The following DENND1A variants were observed in gnomAD, a reference collection of about 807,000 sequenced individuals.
DENND1A encodes the protein DENN domain containing 1A, also known as DENN domain-containing protein 1A.
A neutral mutation model predicts 113.7 loss-of-function variants in DENND1A; 51 were observed. The observed-to-expected ratio is 0.45, with a 90% confidence interval of 0.36 to 0.57. The LOEUF (loss-of-function observed/expected upper bound fraction) is 0.57, where lower values mean the gene tolerates loss of function less well. Ranked by LOEUF, DENND1A falls within the 20% of genes least tolerant of loss-of-function variation. The pLI is 0.00. For missense variants in DENND1A, 1,258 were observed against 1,395.9 expected, an observed-to-expected ratio of 0.90 and a Z score of 1.57; for synonymous variants, 565 against 570.8, an observed-to-expected ratio of 0.99 and a Z score of 0.14.
intron 19 of DENND1A, among the ~76,000 whole-genome samples, chr9:123,420,651 G>C (rs771276014): frequency 6.6e-6 from 1 of 152,170 alleles, no homozygotes; most frequent in Admixed American, 6.5e-5. Context: ...ATTCTTCCCC[G>C]ATGTTGACAG....
At chr9:123,473,553 G>A (rs1328736144) in intron 13 of DENND1A, among the ~76,000 whole-genome samples, 2 of 152,154 alleles carry the variant, frequency 1.3e-5, no homozygotes, top group Non-Finnish European at 2.9e-5. Context: ...TGCCAACTCC[G>A]CTCCTCTCCA....
intron 16 of DENND1A, among the ~76,000 whole-genome samples, chr9:123,454,444 G>A (rs1158687136): frequency 6.6e-6 from 1 of 152,194 alleles, no homozygotes; most frequent in African/African-American, 2.4e-5. Context: ...GGCCCTAGAA[G>A]GAGAACCCCC....
intron 5 of DENND1A, among the ~76,000 whole-genome samples, chr9:123,690,334 A>G (rs2065113236): frequency 6.6e-6 from 1 of 152,188 alleles, no homozygotes; most frequent in Non-Finnish European, 1.5e-5. Flanking sequence ...TTATGTATTG[A>G]GCATGCAGTG....
intron 13 of DENND1A, among the ~76,000 whole-genome samples, chr9:123,465,189 G>T (rs1189465430): frequency 7.7e-6 from 1 of 129,524 alleles, no homozygotes; most frequent in Non-Finnish European, 1.7e-5. Flanking sequence ...TCAAAAAAAA[G>T]AAAAAAAAAA....
intron 2 of DENND1A, among the ~76,000 whole-genome samples, chr9:123,878,144 G>A (rs879807257): frequency 1.0e-4 from 15 of 150,290 alleles, no homozygotes; most frequent in Non-Finnish European, 1.6e-4. Context: ...CAGAGGTTGC[G>A]GTGAGCCAAG....
At chr9:123,700,025 C>T (rs2065791539) in intron 5 of DENND1A, among the ~76,000 whole-genome samples, 1 of 152,118 alleles carries the variant, frequency 6.6e-6, no homozygotes, top group African/African-American at 2.4e-5. Flanking sequence ...ACAGACTACC[C>T]TTTGAATTAC....
chr9:123,658,298 T>TA (rs922992419), intron 8 of DENND1A, among the ~76,000 whole-genome samples: 9 of 151,478 alleles, frequency 5.9e-5, no homozygotes, highest in Admixed American at 3.3e-4. Context: ...ACCTGGACAC[T>TA]AAAAAAAAAT....
At chr9:123,927,765 A>T (rs1857352400) in intron 1 of DENND1A, among the ~76,000 whole-genome samples, 1 of 152,214 alleles carries the variant, frequency 6.6e-6, no homozygotes, top group Admixed American at 6.5e-5. Flanking sequence ...TGTCCTATTC[A>T]ATGGAACCTG....
chr9:123,553,405 C>CA (rs899595295), intron 13 of DENND1A, among the ~76,000 whole-genome samples: 1 of 151,488 alleles, frequency 6.6e-6, no homozygotes, highest in Non-Finnish European at 1.5e-5. Context: ...AAGCCGCCCC[C>CA]CCCCCGCTCC....
chr9:123,457,660 C>G, intron 14 of DENND1A, 133 bp downstream of exon 14: 1 of 872,124 alleles, frequency 1.1e-6, no homozygotes, highest in Non-Finnish European at 1.7e-6. Context: ...TTCATCCAAT[C>G]CCCCTCCCCT....
chr9:123,646,081 C>A lies in DENND1A; in HGVS notation c.618+5932G>T, dbSNP rs182634804. Reference sequence around the variant, plus strand: ...GACGTTTACATTCCAGTAGGGTAGGCCCTTAATAAACTGGACAATAAAATT... The same window carrying A: ...GACGTTTACATTCCAGTAGGGTAGGACCTTAATAAACTGGACAATAAAATT... On this transcript the variant is annotated intron_variant, in intron 9 of 23. Coordinates refer to ENST00000394215, the MANE Select transcript of DENND1A (RefSeq NM_001352964.2). Among the ~76,000 whole-genome samples the A allele has an allele frequency of 2.6e-5, 4 of 152,252 alleles. No homozygotes were observed. In the East Asian group the frequency reaches 7.7e-4, roughly 29 times the overall value.
At chr9:123,780,535 A>G (rs1372437017) in intron 3 of DENND1A, among the ~76,000 whole-genome samples, 1 of 152,214 alleles carries the variant, frequency 6.6e-6, no homozygotes, top group East Asian at 1.9e-4. Context: ...CAGTGAGACC[A>G]CATGGGCCAA....
intron 2 of DENND1A, among the ~76,000 whole-genome samples, chr9:123,817,000 C>CA (rs1192418272): frequency 2.0e-5 from 3 of 152,120 alleles, no homozygotes; most frequent in African/African-American, 7.2e-5. Flanking sequence ...TCCTCAAGGC[C>CA]AGAGGAAGCA....
At position 123,589,607 on chromosome 9, in the gene DENND1A, C is replaced by A. The variant is rs2059357244; in HGVS notation, c.766-6337G>T. Reference sequence around the variant, plus strand: ...TGCCAAAGCTCCTGCCAGCTGCAAACCCTTCCCCCCACCAGACTCTATAGG... The same window carrying A: ...TGCCAAAGCTCCTGCCAGCTGCAAAACCTTCCCCCCACCAGACTCTATAGG... On this transcript the variant is annotated intron_variant, in intron 11 of 23. Coordinates refer to ENST00000394215, the MANE Select transcript of DENND1A (RefSeq NM_001352964.2). 2.1e-5 allele frequency among the ~76,000 whole-genome samples: 3 copies of A among 142,596 alleles called. No homozygotes were observed. In the Admixed American group the frequency reaches 2.2e-4, roughly 10 times the overall value. The allele number at this position is 142,596 out of a possible 152,430, so 93.5% of individuals were successfully genotyped here. A position where few individuals can be genotyped will look rare whatever the true frequency, so the allele number is the denominator to read the frequency against.
rs530239834 is a variant in DENND1A, at chr9:123,915,284, T to C, written c.17+14605A>G. ...CCTTCAAATGGGCTGAAAATGTTATTTTAGCACCCTACCCGATCTAGTGGA... is the reference window on the plus strand; with the variant it reads ...CCTTCAAATGGGCTGAAAATGTTATCTTAGCACCCTACCCGATCTAGTGGA... On this transcript the variant is annotated intron_variant, in intron 1 of 23. Transcript: ENST00000394215. Among the ~76,000 whole-genome samples the C allele has an allele frequency of 2.6e-5, 4 of 152,216 alleles. No individual in the cohort carries two copies. The East Asian group carries it at 7.7e-4, about 29-fold the overall frequency.
chr9:123,890,110 C>A (rs777547052), intron 1 of DENND1A, among the ~76,000 whole-genome samples: 2 of 152,262 alleles, frequency 1.3e-5, no homozygotes, highest in South Asian at 4.1e-4. Flanking sequence ...TTGTCAAAAC[C>A]GTGTCAGGTA....
At chr9:123,624,445 C>T (rs1386521167) in intron 10 of DENND1A, among the ~76,000 whole-genome samples, 1 of 152,170 alleles carries the variant, frequency 6.6e-6, no homozygotes, top group Admixed American at 6.5e-5. Flanking sequence ...TGTGTTTTTT[C>T]TCTTGGAGTC....
intron 21 of DENND1A, among the ~76,000 whole-genome samples, chr9:123,395,496 CAG>C (rs143432983): frequency 7.8e-4 from 86 of 110,078 alleles, no homozygotes; most frequent in African/African-American, 8.6e-4. Context: ...GTGTGTGTGA[CAG>C]AGAGAGAGAG....
chr9:123,593,909 G>C (rs1369471446), intron 11 of DENND1A, among the ~76,000 whole-genome samples: 1 of 152,028 alleles, frequency 6.6e-6, no homozygotes, highest in Admixed American at 6.6e-5. Context: ...TGGTGAGTGA[G>C]TTCTCCCAAG....
Sources: gnomAD v4.1 joint callset for allele counts (sites outside exome capture counted in the v4.1 genomes callset) on GRCh38, gnomAD v4.1.1 for gene constraint, MANE v1.5 for transcripts, NCBI Gene and HGNC (gene_info 2026-07-23, HGNC 2026-07-21) for gene names.